APOO: variants seen among roughly 807,000 people sequenced by gnomAD.
APOO encodes MICOS complex subunit MIC26.
APOO carries 11 observed loss-of-function variants against 23.1 expected under a neutral mutation model. The ratio of observed to expected loss-of-function variants is 0.48; its 90% CI spans 0.30 to 0.79. APOO has a LOEUF of 0.79. Among genes scored for constraint, APOO ranks in the 30% least tolerant of loss-of-function variants. The probability of loss-of-function intolerance (pLI) is 0.07; values close to 1 mark genes in which losing one functional copy is unlikely to be tolerated. For missense variants in APOO, 160 were observed against 142.7 expected, an observed-to-expected ratio of 1.12 and a Z score of -0.62; for synonymous variants, 59 against 54.8, an observed-to-expected ratio of 1.08 and a Z score of -0.34.
In APOO at chrX:23,858,741, A is replaced by G; in HGVS notation, c.389-8T>C. ...GCTTCTTTATTTTTGAACCTGATAA[A>G]TAAAAGGTTGTACACGCCATCAGAT... On this transcript the variant is annotated splice_polypyrimidine_tract_variant and splice_region_variant and intron_variant, in intron 5 of 8. Transcript: ENST00000379226. The G allele has an allele frequency of 8.4e-7, 1 of 1,191,421 alleles. No individual in the cohort carries two copies. The highest frequency in any genetic ancestry group is 1.1e-6 in the Non-Finnish European group (1 of 878,442).
At chrX:23,853,470 CATTA>C (rs1259689419) in intron 7 of APOO, among the ~76,000 whole-genome samples, 1 of 110,569 alleles carries the variant, frequency 9.0e-6, no homozygotes, top group Non-Finnish European at 1.9e-5. Flanking sequence ...ATGCAGTCAA[CATTA>C]ATTTTTTGTA....
intron 5 of APOO, among the ~76,000 whole-genome samples, chrX:23,867,109 TAAACG>T (rs57271337): frequency 0.38 from 39,801 of 104,099 alleles, 7,220 homozygotes; most frequent in East Asian, 0.6. Flanking sequence ...CAAATTAAGC[TAAACG>T]AAACGAAACG....
intron 7 of APOO, among the ~76,000 whole-genome samples, chrX:23,847,300 C>T (rs1356484615): frequency 1.8e-5 from 2 of 111,366 alleles, no homozygotes; most frequent in African/African-American, 6.5e-5. Flanking sequence ...TCTATAAACC[C>T]GTAATGATTT....
intron 7 of APOO, among the ~76,000 whole-genome samples, chrX:23,854,351 G>T (rs914424046): frequency 4.5e-5 from 5 of 111,935 alleles, no homozygotes; most frequent in Non-Finnish European, 9.4e-5. Flanking sequence ...GAGCCTGGGG[G>T]ACTCCCTCTG....
intron 3 of APOO, among the ~76,000 whole-genome samples, chrX:23,875,381 T>C (rs780828236): frequency 9.2e-6 from 1 of 109,107 alleles, no homozygotes; most frequent in East Asian, 2.9e-4. Flanking sequence ...TAGTTGCCAT[T>C]TGGGAAAGGA....
At position 23,896,066 on chromosome X, in the gene APOO, G is replaced by A. The variant is rs763335800; in HGVS notation, c.9+11628C>T. Among the ~76,000 whole-genome samples the A allele has an allele frequency of 1.3e-3, 145 of 110,415 alleles. 2 individuals carry two copies. Among genetic ancestry groups the A allele is most frequent in the African/African-American group, 4.6e-3 (140 of 30,409 alleles). On this transcript the variant is annotated intron_variant, in intron 1 of 8. Transcript: ENST00000379226. ...GGGCAGACCACGAGGTCAGTGGTTCGAGACCAGCATGACCAACACGGTGAA... is the reference window on the plus strand; with the variant it reads ...GGGCAGACCACGAGGTCAGTGGTTCAAGACCAGCATGACCAACACGGTGAA...
intron 3 of APOO, among the ~76,000 whole-genome samples, chrX:23,875,504 C>T (rs955014080): frequency 4.8e-5 from 5 of 104,896 alleles, no homozygotes; most frequent in African/African-American, 7.0e-5. Context: ...CTGCAACCTC[C>T]GCCTCCTGGA....
chrX:23,874,465 G>T lies in APOO; in HGVS notation c.238-8C>A. On this transcript the variant is annotated splice_region_variant and splice_polypyrimidine_tract_variant and intron_variant, in intron 3 of 8. Transcript: ENST00000379226. ...AGTTTGGGAGTACGTTTCCTAAAAA[G>T]GTAAAAAGAAACTGAATGAAACTAT... 1 of 1,199,242 alleles carries T rather than the reference G, an allele frequency of 8.3e-7. No homozygotes were observed. Among genetic ancestry groups the T allele is most frequent in the Non-Finnish European group, 1.1e-6 (1 of 884,961 alleles).
At chrX:23,875,505 G>A (rs113606804) in intron 3 of APOO, among the ~76,000 whole-genome samples, 1,595 of 102,965 alleles carry the variant, frequency 0.015, 35 homozygotes, top group African/African-American at 0.053. Flanking sequence ...TGCAACCTCC[G>A]CCTCCTGGAT....
intron 7 of APOO, among the ~76,000 whole-genome samples, chrX:23,850,112 C>A (rs1453683590): frequency 9.0e-6 from 1 of 111,654 alleles, no homozygotes; most frequent in East Asian, 2.8e-4. Flanking sequence ...ATGATATCTA[C>A]AATTAATTCT....
At chrX:23,863,800 G>T (rs1333914843) in intron 5 of APOO, among the ~76,000 whole-genome samples, 2 of 110,230 alleles carry the variant, frequency 1.8e-5, no homozygotes, top group East Asian at 2.8e-4. Flanking sequence ...ATTGTAGGAG[G>T]ATATAGAGCT....
At chrX:23,869,640 G>GAAAAA (rs761388017) in intron 4 of APOO, among the ~76,000 whole-genome samples, 14 of 33,907 alleles carry the variant, frequency 4.1e-4, no homozygotes, top group Non-Finnish European at 6.7e-4. Context: ...CTCTTAAAAA[G>GAAAAA]AAAAAAAAAA....
chrX:23,849,692 G>C (rs1924441715), intron 7 of APOO, among the ~76,000 whole-genome samples: 1 of 105,912 alleles, frequency 9.4e-6, no homozygotes. Context: ...AGGAGTTTGA[G>C]ACCAGCTTGT....
intron 7 of APOO, among the ~76,000 whole-genome samples, chrX:23,854,609 C>T (rs1427253838): frequency 1.8e-5 from 2 of 110,985 alleles, no homozygotes; most frequent in African/African-American, 3.3e-5. Flanking sequence ...CAACCTCTGC[C>T]TCCTGGGTTC....
At chrX:23,863,718 G>A (rs1925204353) in intron 5 of APOO, among the ~76,000 whole-genome samples, 2 of 110,776 alleles carry the variant, frequency 1.8e-5, no homozygotes, top group Non-Finnish European at 3.8e-5. Context: ...CCCAGGAAAA[G>A]GGGGCTTAAA....
intron 4 of APOO, among the ~76,000 whole-genome samples, chrX:23,871,113 A>G: frequency 9.3e-6 from 1 of 107,245 alleles, no homozygotes; most frequent in Admixed American, 1.0e-4. Context: ...CAAAAAAACA[A>G]AAATCACACT....
chrX:23,880,152 T>C (rs1926045602), intron 2 of APOO, among the ~76,000 whole-genome samples: 1 of 109,856 alleles, frequency 9.1e-6, no homozygotes, highest in Non-Finnish European at 1.9e-5. Context: ...CTCTAATTTC[T>C]TAGAGAGGAA....
chrX:23,839,561 T>C (rs1207389065), intron 8 of APOO, among the ~76,000 whole-genome samples: 1 of 111,973 alleles, frequency 8.9e-6, no homozygotes, highest in African/African-American at 3.2e-5. Context: ...TTCAAAAAAT[T>C]TTCTGATTAT....
At chrX:23,864,097 G>C (rs1250783692) in intron 5 of APOO, among the ~76,000 whole-genome samples, 1 of 108,318 alleles carries the variant, frequency 9.2e-6, no homozygotes, top group Non-Finnish European at 1.9e-5. Flanking sequence ...TTGGGTTCAA[G>C]TGATTCTCCT....
Sources: gnomAD v4.1 joint callset for allele counts (sites outside exome capture counted in the v4.1 genomes callset) on GRCh38, gnomAD v4.1.1 for gene constraint, MANE v1.5 for transcripts, NCBI Gene and HGNC (gene_info 2026-07-23, HGNC 2026-07-21) for gene names.